The following SYNE2 variants were observed in gnomAD, a reference collection of about 807,000 sequenced individuals.
SYNE2 encodes spectrin repeat containing nuclear envelope protein 2.
Under a neutral mutation model 856.3 loss-of-function variants are expected in SYNE2, and 431 were observed. The ratio of observed to expected loss-of-function variants is 0.50; its 90% CI spans 0.47 to 0.55. SYNE2 has a LOEUF of 0.55. Among genes scored for constraint, SYNE2 ranks in the 20% least tolerant of loss-of-function variants. The pLI is 0.00. For synonymous variants in SYNE2, 2,923 were observed against 2,872.3 expected, an observed-to-expected ratio of 1.02 and a Z score of -0.56; for missense variants, 8,129 against 8,023.2, an observed-to-expected ratio of 1.01 and a Z score of -0.50.
At chr14:64,087,409 A>G (rs1463449595) in intron 57 of SYNE2, 2 of 625,558 alleles carry the variant, frequency 3.2e-6, no homozygotes, top group African/African-American at 1.8e-5. Flanking sequence ...TCTCTCCCCT[A>G]TTATTAAAGG....
intron 10 of SYNE2, among the ~76,000 whole-genome samples, chr14:63,967,161 G>T (rs1419474820): frequency 2.0e-5 from 3 of 152,152 alleles, no homozygotes; most frequent in African/African-American, 4.8e-5. Flanking sequence ...ACCGCGCCTG[G>T]CCTGATAACT....
chr14:63,818,046 A>AAC (rs1889071396), intron 1 of SYNE2, among the ~76,000 whole-genome samples: 1 of 145,664 alleles, frequency 6.9e-6, no homozygotes, highest in African/African-American at 2.5e-5. Context: ...AAAAAAAAAA[A>AAC]CAAATAAATA....
chr14:64,065,381 G>A (rs1326267949), intron 50 of SYNE2, 51 bp from the exon 51 acceptor site: 1 of 1,525,884 alleles, frequency 6.6e-7, no homozygotes, highest in Admixed American at 1.7e-5. Context: ...GTAAGTTTCA[G>A]GAAAACCATA....
chr14:64,127,536 CGGG>C (rs1166523497), intron 73 of SYNE2, among the ~76,000 whole-genome samples: 2 of 151,884 alleles, frequency 1.3e-5, no homozygotes, highest in Non-Finnish European at 2.9e-5. Context: ...AATGGTGGGG[CGGG>C]GGAGGCATTT....
intron 27 of SYNE2, 73 bp downstream of exon 27, chr14:63,999,113 C>A: frequency 4.8e-6 from 7 of 1,459,318 alleles, no homozygotes; most frequent in Non-Finnish European, 6.7e-6. Context: ...GTCTGGACAT[C>A]CCCTTTTCTG....
chr14:64,100,902 G>A (rs1312137221), intron 63 of SYNE2, among the ~76,000 whole-genome samples: 2 of 151,410 alleles, frequency 1.3e-5, no homozygotes, highest in Non-Finnish European at 2.9e-5. Context: ...AGATGATGTG[G>A]TATGTGTCCT....
chr14:63,802,084 G>A (rs1189717012), intron 1 of SYNE2, among the ~76,000 whole-genome samples: 1 of 150,712 alleles, frequency 6.6e-6, no homozygotes, highest in African/African-American at 2.4e-5. Context: ...AAAATAGAAG[G>A]AAAGGATAAT....
intron 3 of SYNE2, 128 bp from the exon 4 acceptor site, chr14:63,941,567 C>G: frequency 2.6e-6 from 2 of 756,792 alleles, no homozygotes; most frequent in Non-Finnish European, 4.5e-6. Flanking sequence ...TGTTCTCTCT[C>G]ATTCTCTTAA....
Position 64,020,145 on chromosome 14 carries a change from A to G in SYNE2, c.5151+52A>G, listed in dbSNP as rs117533091. On this transcript the variant is annotated intron_variant, in intron 35 of 115. Transcript: ENST00000555002. ...GTTATTGAGGCTTCAGTAAGCCATA[A>G]TCATATCACTGCACTCCAGCCTGGG... 2.5e-5 allele frequency: 31 copies of G among 1,251,418 alleles called. No homozygotes were observed. The East Asian group carries it at 7.0e-4, about 28-fold the overall frequency. The allele number at this position is 1,251,418 out of a possible 1,614,324, so 77.5% of individuals were successfully genotyped here.
intron 10 of SYNE2, among the ~76,000 whole-genome samples, chr14:63,964,760 G>A (rs1229856182): frequency 1.3e-5 from 2 of 152,046 alleles, no homozygotes; most frequent in South Asian, 2.1e-4. Flanking sequence ...CTGACCTCAG[G>A]TGATTCACCT....
Position 64,080,582 on chromosome 14 carries a change from C to T in SYNE2, c.11290C>T (p.Gln3764Ter). Reference sequence around the variant, plus strand: ...GATGGATAACTTGATGATTCCTTTCCAGCAGTATCAGCAAGTATCACAGAG... The same window carrying T: ...GATGGATAACTTGATGATTCCTTTCTAGCAGTATCAGCAAGTATCACAGAG... Reference protein sequence around the residue: ...EWMDNLMIPFQQYQQVSQRAE... With the variant: ...EWMDNLMIPF Residue 3764 changes from glutamine (Q) to a stop codon, truncating the protein, a stop_gained, in exon 56 of 116, where the codon CAG becomes TAG. Transcript: ENST00000555002. LOFTEE classifies it high-confidence loss of function. 3.1e-6 allele frequency: 5 copies of T among 1,614,126 alleles called. No homozygotes were observed. The highest frequency in any genetic ancestry group is 4.2e-6 in the Non-Finnish European group (5 of 1,180,022).
chr14:64,188,035 T>TAC (rs1355405249), intron 97 of SYNE2, among the ~76,000 whole-genome samples: 3 of 152,228 alleles, frequency 2.0e-5, no homozygotes, highest in African/African-American at 7.2e-5. Flanking sequence ...ATGAGTGATG[T>TAC]ACATTGTTTT....
intron 85 of SYNE2, among the ~76,000 whole-genome samples, chr14:64,158,404 A>G (rs1210406117): frequency 6.6e-6 from 1 of 152,134 alleles, no homozygotes; most frequent in Non-Finnish European, 1.5e-5. Context: ...TTCAGTGCTG[A>G]TCCTTCTGAT....
At position 64,098,153 on chromosome 14, in the gene SYNE2, A is replaced by G; in HGVS notation, c.12306+7A>G. ...GGATGCTTCTGAGCGGAAGGTGGGT[A>G]TGACTTTAGGTTAATGCTGGCCCCA... On this transcript the variant is annotated splice_region_variant and intron_variant, in intron 62 of 115. Transcript: ENST00000555002. 6 of 1,613,724 alleles carry G rather than the reference A, an allele frequency of 3.7e-6. No homozygotes were observed. Among genetic ancestry groups the G allele is most frequent in the Non-Finnish European group, 5.1e-6 (6 of 1,179,860 alleles).
At chr14:63,779,109 C>T (rs2139730447) in intron 1 of SYNE2, among the ~76,000 whole-genome samples, 1 of 151,698 alleles carries the variant, frequency 6.6e-6, no homozygotes, top group Non-Finnish European at 1.5e-5. Context: ...CACCTGAGGT[C>T]AGGAGTTCGA....
chr14:64,042,790 T>C (rs192356238), intron 45 of SYNE2, among the ~76,000 whole-genome samples: 1 of 152,268 alleles, frequency 6.6e-6, no homozygotes, highest in Non-Finnish European at 1.5e-5. Flanking sequence ...GTCTTGGGTA[T>C]GTCTTTATCA....
At chr14:63,819,481 C>T (rs1889132563) in intron 1 of SYNE2, among the ~76,000 whole-genome samples, 1 of 151,426 alleles carries the variant, frequency 6.6e-6, no homozygotes. Flanking sequence ...ATCTACCTGC[C>T]TTGGCCTCCA....
At chr14:63,901,925 C>T (rs1010292321) in intron 1 of SYNE2, among the ~76,000 whole-genome samples, 2 of 151,028 alleles carry the variant, frequency 1.3e-5, no homozygotes, top group Non-Finnish European at 3.0e-5. Flanking sequence ...AACTTGTCTT[C>T]AACAACAACA....
chr14:64,081,796 CT>C (rs1302738106), intron 57 of SYNE2, among the ~76,000 whole-genome samples: 2 of 152,158 alleles, frequency 1.3e-5, no homozygotes, highest in Non-Finnish European at 1.5e-5. Context: ...TACTTTATGA[CT>C]TTTTGGATAA....
Sources: gnomAD v4.1 joint callset for allele counts (sites outside exome capture counted in the v4.1 genomes callset) on GRCh38, gnomAD v4.1.1 for gene constraint, MANE v1.5 for transcripts, NCBI Gene and HGNC (gene_info 2026-07-23, HGNC 2026-07-21) for gene names.